CAND2: variants seen among roughly 807,000 people sequenced by gnomAD.
CAND2 encodes the protein cullin-associated NEDD8-dissociated protein 2.
CAND2 carries 62 observed loss-of-function variants against 98.9 expected under a neutral mutation model. That is an observed-to-expected ratio of 0.63 (90% CI 0.51 to 0.77). CAND2 has a LOEUF of 0.77. CAND2 is among the 30% of genes least tolerant of loss of function. CAND2 has a pLI of 0.00. For missense variants in CAND2, 1,501 were observed against 1,655.2 expected, an observed-to-expected ratio of 0.91 and a Z score of 1.62; for synonymous variants, 770 against 731.9, an observed-to-expected ratio of 1.05 and a Z score of -0.84.
intron 10 of CAND2, among the ~76,000 whole-genome samples, chr3:12,819,310 T>C (rs1372458980): frequency 6.6e-6 from 1 of 152,196 alleles, no homozygotes; most frequent in Admixed American, 6.5e-5. Context: ...TCCTCGAGGC[T>C]GAACATAAAG....
intron 7 of CAND2, among the ~76,000 whole-genome samples, chr3:12,814,671 A>G (rs898314994): frequency 2.0e-5 from 3 of 152,118 alleles, no homozygotes; most frequent in African/African-American, 7.2e-5. Context: ...AACATCACAT[A>G]GCCAAACCTG....
At chr3:12,807,220 C>A (rs545465695) in intron 2 of CAND2, 86 bp from the exon 3 acceptor site, 6 of 1,302,158 alleles carry the variant, frequency 4.6e-6, no homozygotes, top group Non-Finnish European at 6.3e-6. Flanking sequence ...CACGTGTGGC[C>A]GCAGGAGCAT....
rs937097409 is a variant in CAND2 at position 12,808,223 on chromosome 3, C to T, written c.381C>T (p.Ala127=). 3 of 1,551,196 alleles carry T rather than the reference C, an allele frequency of 1.9e-6. No homozygotes were observed. The highest frequency in any genetic ancestry group is 2.6e-6 in the Non-Finnish European group (3 of 1,146,960). ...LPPAATGSGL[A]TNVCRKITGQ... ...TGCCCTGTGCAGGCTCCGGGCTGGCCACCAACGTGTGCCGGAAGATCACAG... is the reference window on the plus strand; with the variant it reads ...TGCCCTGTGCAGGCTCCGGGCTGGCTACCAACGTGTGCCGGAAGATCACAG... The change falls in exon 4 of 15, where the codon GCC becomes GCT. Residue 127 remains alanine, a synonymous_variant. Transcript: ENST00000456430.
Position 12,827,605 on chromosome 3 carries a change from G to A in CAND2, c.3375+1G>A. The A allele has an allele frequency of 6.2e-7, 1 of 1,605,864 alleles. No individual in the cohort carries two copies. The highest frequency in any genetic ancestry group is 8.5e-7 in the Non-Finnish European group (1 of 1,175,182). Reference sequence around the variant, plus strand: ...GCTGAAGGACCACTACGACATCCGGGTAAGACCAAGCCCCCTGCCAGATCT... The same window carrying A: ...GCTGAAGGACCACTACGACATCCGGATAAGACCAAGCCCCCTGCCAGATCT... On this transcript the variant is annotated splice_donor_variant, in intron 13 of 14. Transcript: ENST00000456430. LOFTEE classifies it high-confidence loss of function.
chr3:12,827,331 T>G, intron 12 of CAND2, 109 bp from the exon 13 acceptor site: 3 of 1,061,442 alleles, frequency 2.8e-6, no homozygotes, highest in Non-Finnish European at 4.1e-6. Context: ...TAAGGCACGA[T>G]TTGGGGCTGG....
chr3:12,831,241 T>C (rs2062051458), intron 13 of CAND2, among the ~76,000 whole-genome samples: 1 of 152,152 alleles, frequency 6.6e-6, no homozygotes, highest in Non-Finnish European at 1.5e-5. Flanking sequence ...ACTCCCTCCC[T>C]GGTGCTTTTC....
intron 1 of CAND2, among the ~76,000 whole-genome samples, chr3:12,801,042 T>A (rs543506463): frequency 8.4e-4 from 115 of 137,628 alleles, no homozygotes; most frequent in African/African-American, 2.3e-3. Context: ...GTATTTTTTT[T>A]TTTTTTTTTT....
chr3:12,813,771 A>G (rs540703796), intron 7 of CAND2, among the ~76,000 whole-genome samples: 11 of 152,294 alleles, frequency 7.2e-5, no homozygotes, highest in Admixed American at 2.0e-4. Flanking sequence ...CCTTTTATGA[A>G]TGGCTTTCAG....
At chr3:12,804,932 C>T (rs1008169606) in intron 2 of CAND2, among the ~76,000 whole-genome samples, 6 of 152,192 alleles carry the variant, frequency 3.9e-5, no homozygotes, top group Non-Finnish European at 8.8e-5. Context: ...TCTTTCTGGT[C>T]ATGGAGTAGA....
chr3:12,816,435 C>T lies in CAND2; in HGVS notation c.1503C>T (p.Ala501=), dbSNP rs769353577. The change falls in exon 10 of 15, where the codon GCC becomes GCT. Residue 501 remains alanine (A), a synonymous_variant. Transcript: ENST00000456430. ...CCACCATCCGGATGGATGCCCTGGC[C>T]TTCTTGCAGGGGCTGCTGGGCACCG... ...SSSTIRMDAL[A]FLQGLLGTEP... The T allele has an allele frequency of 1.9e-6, 3 of 1,613,832 alleles. No individual in the cohort carries two copies. In the East Asian group the frequency reaches 6.7e-5, roughly 36 times the overall value.
Position 12,831,534 on chromosome 3 carries a change from C to T in CAND2, c.3445C>T (p.Arg1149Ter). The change falls in exon 14 of 15, where the codon CGA becomes TGA. Residue 1149 changes from arginine to a stop codon, truncating the protein, a stop_gained. Transcript: ENST00000456430. LOFTEE classifies it high-confidence loss of function. ...CPAPVLQRVDRLIEPLRATCT... is the reference protein window; with the variant it reads ...CPAPVLQRVD ...TGCACCTGTCCTGCAGAGGGTGGAC[C>T]GACTCATTGAGCCACTAAGGGCCAC... 3 of 1,613,610 alleles carry T rather than the reference C, an allele frequency of 1.9e-6. No homozygotes were observed. The highest frequency in any genetic ancestry group is 2.5e-6 in the Non-Finnish European group (3 of 1,179,834).
chr3:12,799,267 G>A (rs1473024815), intron 1 of CAND2, among the ~76,000 whole-genome samples: 3 of 152,124 alleles, frequency 2.0e-5, no homozygotes, highest in African/African-American at 7.2e-5. Flanking sequence ...TATGAGGTAG[G>A]GCAAAGAAAA....
rs778792837 is a variant in CAND2 at position 12,834,031 on chromosome 3, C to A, written c.*49C>A. 1.4e-6 allele frequency: 2 copies of A among 1,481,248 alleles called. No individual in the cohort carries two copies. Among genetic ancestry groups the A allele is most frequent in the Non-Finnish European group, 1.9e-6 (2 of 1,062,434 alleles). 91.8% of individuals were successfully genotyped at this position (1,481,248 alleles called of 1,614,324 possible). Reference sequence around the variant, plus strand: ...CTCGCTTAAGAGAAAGGAGCCCACCCAAGTCCGAGGCCTCCCCATCCCACC... The same window carrying A: ...CTCGCTTAAGAGAAAGGAGCCCACCAAAGTCCGAGGCCTCCCCATCCCACC... On this transcript the variant is annotated 3_prime_UTR_variant, in exon 15 of 15. Transcript: ENST00000456430.
intron 2 of CAND2, among the ~76,000 whole-genome samples, chr3:12,805,809 G>A (rs1208375228): frequency 1.3e-5 from 2 of 152,204 alleles, no homozygotes; most frequent in Non-Finnish European, 2.9e-5. Flanking sequence ...TGGGATGTTA[G>A]AACCTCTTGC....
chr3:12,813,751 C>T (rs1302496769), intron 7 of CAND2, among the ~76,000 whole-genome samples: 1 of 152,236 alleles, frequency 6.6e-6, no homozygotes, highest in African/African-American at 2.4e-5. Context: ...TCTGCACTGC[C>T]ACCGTGTACC....
At chr3:12,811,813 A>G (rs1371523452) in intron 5 of CAND2, among the ~76,000 whole-genome samples, 2 of 151,888 alleles carry the variant, frequency 1.3e-5, no homozygotes, top group Admixed American at 6.6e-5. Context: ...TGACCTTGTG[A>G]TCCCATGATC....
rs1314641572 is a variant in CAND2, at chr3:12,817,233, C to T, written c.2301C>T (p.Thr767=). 2 of 1,613,828 alleles carry T rather than the reference C, an allele frequency of 1.2e-6. No homozygotes were observed. Among genetic ancestry groups the T allele is most frequent in the Admixed American group, 1.7e-5 (1 of 60,030 alleles). Residue 767 remains threonine, a synonymous_variant, in exon 10 of 15, where the codon ACC becomes ACT. Coordinates refer to ENST00000456430, the MANE Select transcript of CAND2 (RefSeq NM_001162499.2). The stretch of plus-strand genomic sequence containing the variant: ...GCTTCCTGCAGGCCCTGGTAGGGAC[C>T]CGTCCCCCGTGTGTGGACTATGCCA... The part of the protein sequence containing the change: ...AEGFLQALVG[T]RPPCVDYAKL...
intron 11 of CAND2, among the ~76,000 whole-genome samples, chr3:12,824,201 C>G (rs4684116): frequency 0.7 from 107,011 of 152,144 alleles, 38,203 homozygotes; most frequent in African/African-American, 0.82. Context: ...CAAACCTGCA[C>G]GTTGTGCACA....
chr3:12,831,389 C>T (rs2062052546), intron 13 of CAND2, 76 bp from the exon 14 acceptor site: 1 of 1,201,026 alleles, frequency 8.3e-7, no homozygotes, highest in African/African-American at 1.5e-5. Flanking sequence ...TGTGGGGCCT[C>T]TGCTCTTTCC....
Sources: gnomAD v4.1 joint callset for allele counts (sites outside exome capture counted in the v4.1 genomes callset) on GRCh38, gnomAD v4.1.1 for gene constraint, MANE v1.5 for transcripts, NCBI Gene and HGNC (gene_info 2026-07-23, HGNC 2026-07-21) for gene names.